Variants in PPP2R2C observed in about 807,000 individuals in gnomAD.
PPP2R2C encodes protein phosphatase 2, regulatory subunit B, gamma.
Under a neutral mutation model 45.3 loss-of-function variants are expected in PPP2R2C, and 10 were observed. That is an observed-to-expected ratio of 0.22 (90% CI 0.14 to 0.37). The LOEUF is 0.37. Among genes scored for constraint, PPP2R2C ranks in the 10% least tolerant of loss-of-function variants. The pLI is 1.00. For missense variants in PPP2R2C, 308 were observed against 619.7 expected (o/e 0.50, Z 5.34); for synonymous variants, 257 against 245.4 (o/e 1.05, Z -0.44).
intron 2 of PPP2R2C, among the ~76,000 whole-genome samples, chr4:6,515,615 AAC>A (rs1478890820): frequency 1.3e-5 from 2 of 152,242 alleles, no homozygotes; most frequent in East Asian, 1.9e-4. Context: ...CTTGCATATA[AAC>A]ACACGAGAAA....
rs1463366909 is a variant in PPP2R2C, at chr4:6,471,235, C to G, written c.70+925G>C. 6.6e-6 allele frequency among the ~76,000 whole-genome samples: 1 copy of G among 152,210 alleles called. No homozygotes were observed. Among genetic ancestry groups the G allele is most frequent in the Non-Finnish European group, 1.5e-5 (1 of 68,026 alleles). On this transcript the variant is annotated intron_variant, in intron 1 of 8. Coordinates refer to ENST00000382599, the MANE Select transcript of PPP2R2C (RefSeq NM_020416.4). The surrounding 1 kb of genome is among the most constrained non-coding windows in gnomAD (Gnocchi z 5.6). ...CCGTGGGTTAGCGGCTGACAGTCCC[C>G]GCACTCGGGCAGGGCTCCAGCACAG...
intron 2 of PPP2R2C, among the ~76,000 whole-genome samples, chr4:6,484,648 C>CT (rs1300599495): frequency 1.3e-5 from 2 of 151,812 alleles, no homozygotes; most frequent in African/African-American, 4.8e-5. Context: ...TTTAGGTCTT[C>CT]TTTAATTTCT....
chr4:6,482,086 A>C (rs1275022144), intron 2 of PPP2R2C, among the ~76,000 whole-genome samples: 1 of 151,786 alleles, frequency 6.6e-6, no homozygotes, highest in African/African-American at 2.4e-5. Context: ...CACCTTTCTG[A>C]TATTGAATCA....
At chr4:6,359,759 T>C (rs957638728) in intron 5 of PPP2R2C, among the ~76,000 whole-genome samples, 6 of 152,108 alleles carry the variant, frequency 3.9e-5, no homozygotes, top group Admixed American at 3.9e-4. Context: ...CCAGGAGCCA[T>C]GGCAGCTAAG....
At chr4:6,409,213 G>T (rs1238738487) in intron 1 of PPP2R2C, among the ~76,000 whole-genome samples, 2 of 152,138 alleles carry the variant, frequency 1.3e-5, no homozygotes, top group African/African-American at 4.8e-5. Flanking sequence ...GGTAATTAAG[G>T]CATCATTTTA....
At chr4:6,504,727 G>A (rs1221004476) in intron 2 of PPP2R2C, among the ~76,000 whole-genome samples, 1 of 152,144 alleles carries the variant, frequency 6.6e-6, no homozygotes, top group Non-Finnish European at 1.5e-5. Flanking sequence ...TGAAAGTGAA[G>A]GGAGATCGAC....
intron 5 of PPP2R2C, chr4:6,348,724 C>G: frequency 2.0e-6 from 2 of 984,794 alleles, no homozygotes; most frequent in Non-Finnish European, 2.4e-6. Flanking sequence ...TATCTGCTGC[C>G]AGGACAAGGA....
At chr4:6,522,948 G>A (rs1233054041) in intron 2 of PPP2R2C, among the ~76,000 whole-genome samples, 1 of 152,258 alleles carries the variant, frequency 6.6e-6, no homozygotes, top group Non-Finnish European at 1.5e-5. Context: ...GGAAGCTGAG[G>A]CAGGGAGAGG....
At chr4:6,492,767 G>A (rs775939323) in intron 2 of PPP2R2C, among the ~76,000 whole-genome samples, 5 of 152,174 alleles carry the variant, frequency 3.3e-5, no homozygotes, top group Non-Finnish European at 5.9e-5. Context: ...ACAGAGAGGA[G>A]ACCTGGGGTT....
chr4:6,337,761 T>C (rs1021909385), intron 6 of PPP2R2C, among the ~76,000 whole-genome samples: 2 of 152,162 alleles, frequency 1.3e-5, no homozygotes, highest in African/African-American at 4.8e-5. Context: ...ATTGAATCGA[T>C]AGTGGAAACA....
intron 5 of PPP2R2C, among the ~76,000 whole-genome samples, chr4:6,367,286 G>A (rs2109281868): frequency 6.6e-6 from 1 of 152,288 alleles, no homozygotes; most frequent in African/African-American, 2.4e-5. Flanking sequence ...GACGGGAAGT[G>A]TTAGTGATTG....
At chr4:6,419,835 G>A (rs1210931697) in intron 1 of PPP2R2C, among the ~76,000 whole-genome samples, 1 of 151,972 alleles carries the variant, frequency 6.6e-6, no homozygotes, top group Non-Finnish European at 1.5e-5. Flanking sequence ...CCCAATCTCT[G>A]CCTCTGTCAT....
chr4:6,463,466 CCT>C (rs1481849591), intron 1 of PPP2R2C, among the ~76,000 whole-genome samples: 12 of 152,240 alleles, frequency 7.9e-5, no homozygotes, highest in Non-Finnish European at 1.6e-4. Flanking sequence ...CAGCTGGGAA[CCT>C]CTGAGCAGCC....
intron 1 of PPP2R2C, among the ~76,000 whole-genome samples, chr4:6,429,397 A>G (rs1719500141): frequency 6.6e-6 from 1 of 152,266 alleles, no homozygotes; most frequent in Non-Finnish European, 1.5e-5. Flanking sequence ...GTAGGAAGAC[A>G]GTAACAAAGA....
intron 2 of PPP2R2C, among the ~76,000 whole-genome samples, chr4:6,483,558 T>C (rs190669605): frequency 1.3e-5 from 2 of 152,280 alleles, no homozygotes; most frequent in Admixed American, 1.3e-4. Flanking sequence ...CGTGTGCTTA[T>C]TTGCCATCTG....
At chr4:6,511,744 G>A (rs1184865695) in intron 2 of PPP2R2C, among the ~76,000 whole-genome samples, 2 of 64,818 alleles carry the variant, frequency 3.1e-5, no homozygotes, top group Non-Finnish European at 3.6e-5. Context: ...GGTGATGGTG[G>A]TGATGGCAAT....
chr4:6,333,393 T>C (rs1370113644), intron 7 of PPP2R2C, among the ~76,000 whole-genome samples, 169 bp downstream of exon 7: 1 of 152,268 alleles, frequency 6.6e-6, no homozygotes. Flanking sequence ...ACTCCTGCCC[T>C]CTGCCAAGCT....
chr4:6,406,443 ACT>A (rs756284175), intron 1 of PPP2R2C, among the ~76,000 whole-genome samples: 61 of 152,192 alleles, frequency 4.0e-4, no homozygotes, highest in African/African-American at 1.3e-3. Context: ...ATATGTACAC[ACT>A]CTTGGCAGGG....
intron 2 of PPP2R2C, among the ~76,000 whole-genome samples, chr4:6,508,760 G>A (rs555180344): frequency 1.3e-3 from 204 of 152,224 alleles, no homozygotes; most frequent in African/African-American, 4.3e-3. Context: ...AGGGAAAAAC[G>A]ACTCAATGAG....
Sources: allele counts gnomAD v4.1 joint callset (sites outside exome capture counted in the v4.1 genomes callset), GRCh38; gene constraint gnomAD v4.1.1; non-coding constraint Gnocchi (gnomAD v3.1); transcripts MANE v1.5; gene names NCBI Gene and HGNC (gene_info 2026-07-23, HGNC 2026-07-21).